The following HS6ST3 variants were observed in gnomAD, a reference collection of about 807,000 sequenced individuals.
HS6ST3 encodes heparan-sulfate 6-O-sulfotransferase 3.
A neutral mutation model predicts 36.7 loss-of-function variants in HS6ST3; 12 were observed. That is an observed-to-expected ratio of 0.33 (90% CI 0.21 to 0.53). HS6ST3 has a LOEUF of 0.53. HS6ST3 is among the 20% of genes least tolerant of loss of function. The pLI is 0.95. For synonymous variants in HS6ST3, 240 were observed against 257.5 expected (o/e 0.93, Z 0.65); for missense variants, 584 against 640.9 (o/e 0.91, Z 0.96).
chr13:96,588,034 T>G (rs1281968178), intron 1 of HS6ST3, among the ~76,000 whole-genome samples: 1 of 152,220 alleles, frequency 6.6e-6, no homozygotes, highest in Non-Finnish European at 1.5e-5. Flanking sequence ...ATTATTTTCT[T>G]GATTTCTTTT....
intron 1 of HS6ST3, among the ~76,000 whole-genome samples, chr13:96,175,121 A>G (rs1036505147): frequency 6.6e-6 from 1 of 152,094 alleles, no homozygotes; most frequent in East Asian, 1.9e-4. Flanking sequence ...TGGATCCCCT[A>G]TACTCCCTTT....
intron 1 of HS6ST3, among the ~76,000 whole-genome samples, chr13:96,290,398 A>G (rs2054823864): frequency 6.6e-6 from 1 of 152,126 alleles, no homozygotes; most frequent in Non-Finnish European, 1.5e-5. Flanking sequence ...TTGCAGAGAT[A>G]AAAAGGCCTT....
At chr13:96,612,220 C>T (rs992873262) in intron 1 of HS6ST3, among the ~76,000 whole-genome samples, 1 of 152,060 alleles carries the variant, frequency 6.6e-6, no homozygotes, top group African/African-American at 2.4e-5. Context: ...GGTGAGGTTC[C>T]TGCTTAGGTC....
chr13:96,194,795 A>G (rs1050169682), intron 1 of HS6ST3, among the ~76,000 whole-genome samples: 1 of 146,656 alleles, frequency 6.8e-6, no homozygotes, highest in African/African-American at 2.6e-5. Context: ...AGCCTCTGGC[A>G]ACCACTGTTC....
intron 1 of HS6ST3, among the ~76,000 whole-genome samples, chr13:96,266,606 C>T (rs1164632759): frequency 6.6e-6 from 1 of 152,070 alleles, no homozygotes. Context: ...CTGGGAGACC[C>T]AATTTTAGAT....
intron 1 of HS6ST3, among the ~76,000 whole-genome samples, chr13:96,229,730 CAG>C (rs2054498730): frequency 6.6e-6 from 1 of 152,154 alleles, no homozygotes. Context: ...ATATAAATAA[CAG>C]AAGAGAACAT....
At chr13:96,539,882 T>A (rs188037239) in intron 1 of HS6ST3, among the ~76,000 whole-genome samples, 94 of 152,284 alleles carry the variant, frequency 6.2e-4, no homozygotes, top group Middle Eastern at 6.8e-3. Flanking sequence ...AACTACTCCC[T>A]TATGGCCCAT....
intron 1 of HS6ST3, among the ~76,000 whole-genome samples, chr13:96,721,410 A>T (rs1324212877): frequency 1.3e-5 from 2 of 152,166 alleles, no homozygotes; most frequent in East Asian, 1.9e-4. Flanking sequence ...TGTTTGCATA[A>T]ATAATAATAT....
chr13:96,265,980 A>G (rs2054690213), intron 1 of HS6ST3, among the ~76,000 whole-genome samples: 1 of 152,146 alleles, frequency 6.6e-6, no homozygotes, highest in South Asian at 2.1e-4. Flanking sequence ...AGAGTTAAGT[A>G]GAATTCTGGA....
intron 1 of HS6ST3, among the ~76,000 whole-genome samples, chr13:96,757,505 C>T (rs1374369395): frequency 1.3e-5 from 2 of 152,064 alleles, no homozygotes; most frequent in Non-Finnish European, 2.9e-5. Context: ...GTTGTATTGG[C>T]TTGTACCTCT....
chr13:96,480,555 C>G (rs904767230), intron 1 of HS6ST3, among the ~76,000 whole-genome samples: 1 of 152,096 alleles, frequency 6.6e-6, no homozygotes, highest in Non-Finnish European at 1.5e-5. Context: ...GCTGCTGATT[C>G]ATGAGATGGG....
chr13:96,466,437 C>G (rs1046601466), intron 1 of HS6ST3, among the ~76,000 whole-genome samples: 1 of 152,080 alleles, frequency 6.6e-6, no homozygotes. Flanking sequence ...CTCCATTGCC[C>G]CCTCCATCTA....
At chr13:96,641,641 C>T (rs561918599) in intron 1 of HS6ST3, among the ~76,000 whole-genome samples, 1 of 151,738 alleles carries the variant, frequency 6.6e-6, no homozygotes, top group Non-Finnish European at 1.5e-5. Flanking sequence ...CATTTTAGTT[C>T]CCTTGACATT....
At chr13:96,761,364 T>A in intron 1 of HS6ST3, among the ~76,000 whole-genome samples, 1 of 152,110 alleles carries the variant, frequency 6.6e-6, no homozygotes, top group East Asian at 1.9e-4. Context: ...TTTCATTGGG[T>A]TTTGGTGGCT....
At chr13:96,742,120 G>A (rs1368333867) in intron 1 of HS6ST3, among the ~76,000 whole-genome samples, 1 of 152,060 alleles carries the variant, frequency 6.6e-6, no homozygotes, top group East Asian at 1.9e-4. Flanking sequence ...CACTTACTTT[G>A]AATGAATCCT....
At chr13:96,450,450 A>T (rs1049863381) in intron 1 of HS6ST3, among the ~76,000 whole-genome samples, 5 of 152,210 alleles carry the variant, frequency 3.3e-5, no homozygotes, top group African/African-American at 1.2e-4. Context: ...TCAGATAAAG[A>T]TGTCTTTAAA....
intron 1 of HS6ST3, among the ~76,000 whole-genome samples, chr13:96,229,056 G>T (rs1213661935): frequency 6.6e-6 from 1 of 152,118 alleles, no homozygotes; most frequent in Non-Finnish European, 1.5e-5. Context: ...TATCATAAGG[G>T]AGCCAAAATG....
chr13:96,656,792 G>A (rs1244865601), intron 1 of HS6ST3, among the ~76,000 whole-genome samples: 2 of 152,114 alleles, frequency 1.3e-5, no homozygotes, highest in African/African-American at 4.8e-5. Flanking sequence ...CTTTAGGCAA[G>A]TTCTAAACCT....
intron 1 of HS6ST3, among the ~76,000 whole-genome samples, chr13:96,716,251 T>A (rs955286479): frequency 7.9e-5 from 12 of 152,118 alleles, no homozygotes; most frequent in Non-Finnish European, 1.6e-4. Flanking sequence ...TACGAAAGAT[T>A]TTTGTAAAGT....
Sources: gnomAD v4.1 joint callset for allele counts (sites outside exome capture counted in the v4.1 genomes callset) on GRCh38, gnomAD v4.1.1 for gene constraint, MANE v1.5 for transcripts, NCBI Gene and HGNC (gene_info 2026-07-23, HGNC 2026-07-21) for gene names.